FOXP1: variants seen among roughly 807,000 people sequenced by gnomAD.
FOXP1 encodes the protein forkhead box P1, also known as forkhead box protein P1.
A neutral mutation model predicts 98.2 loss-of-function variants in FOXP1; 15 were observed. That is an observed-to-expected ratio of 0.15 (90% CI 0.10 to 0.24). The LOEUF (loss-of-function observed/expected upper bound fraction) is 0.24, where lower values mean the gene tolerates loss of function less well. Among genes scored for constraint, FOXP1 ranks in the 10% least tolerant of loss-of-function variants. The pLI is 1.00. For missense variants in FOXP1, 633 were observed against 848.5 expected, an observed-to-expected ratio of 0.75 and a Z score of 3.15; for synonymous variants, 371 against 314.5, an observed-to-expected ratio of 1.18 and a Z score of -1.90.
intron 2 of FOXP1, among the ~76,000 whole-genome samples, chr3:71,533,043 A>G (rs950374542): frequency 2.6e-5 from 4 of 152,264 alleles, no homozygotes; most frequent in African/African-American, 4.8e-5. Flanking sequence ...ACCAGAAGGT[A>G]AAGTTACCAT....
intron 5 of FOXP1, among the ~76,000 whole-genome samples, chr3:71,228,960 G>T (rs1223384945): frequency 1.3e-5 from 1 of 78,468 alleles, no homozygotes; most frequent in African/African-American, 5.1e-5. Flanking sequence ...TGCTTTTACT[G>T]TTGGTTGTTT....
chr3:71,342,698 A>G (rs959187316), intron 4 of FOXP1, among the ~76,000 whole-genome samples: 1 of 151,784 alleles, frequency 6.6e-6, no homozygotes, highest in Non-Finnish European at 1.5e-5. Context: ...AAAAAAAAAA[A>G]AGCAAACAGA....
chr3:70,975,475 T>C (rs1305553873), intron 17 of FOXP1, among the ~76,000 whole-genome samples: 2 of 152,252 alleles, frequency 1.3e-5, no homozygotes, highest in Admixed American at 6.5e-5. Context: ...TCGTTTTCTT[T>C]TAAAATGCTA....
intron 4 of FOXP1, among the ~76,000 whole-genome samples, chr3:71,331,417 G>A (rs544801990): frequency 2.4e-3 from 248 of 104,112 alleles, no homozygotes; most frequent in African/African-American, 8.7e-3. Context: ...AAGCCTCCCC[G>A]ACAAGCGCCG....
chr3:71,237,104 C>T (rs866875535), intron 5 of FOXP1, among the ~76,000 whole-genome samples: 1 of 149,950 alleles, frequency 6.7e-6, no homozygotes. Context: ...TGGTGGTGCA[C>T]GCCTGTAATC....
chr3:71,106,099 T>C (rs3846028), intron 7 of FOXP1, among the ~76,000 whole-genome samples: 24,051 of 152,146 alleles, frequency 0.16, 2,888 homozygotes, highest in East Asian at 0.57. Flanking sequence ...AGCAAGTCAG[T>C]TAATCTCTCT....
At chr3:71,279,307 C>G (rs1386924861) in intron 5 of FOXP1, among the ~76,000 whole-genome samples, 1 of 152,000 alleles carries the variant, frequency 6.6e-6, no homozygotes, top group Admixed American at 6.6e-5. Flanking sequence ...TAGCTTTTCA[C>G]CCAGCATGTC....
rs1559791949 is a variant in FOXP1, at chr3:71,041,318, TGG to T, written c.869+8_869+9del. On this transcript the variant is annotated splice_region_variant and intron_variant, in intron 11 of 20. Coordinates refer to ENST00000649528, the MANE Select transcript of FOXP1 (RefSeq NM_001349338.3). ...GCAGTTTTGGACCCATCTCAGTGGC[TGG>T]TTCCTACCTTTCCCTTTTGGGAGTG... The T allele has an allele frequency of 1.2e-6, 2 of 1,612,638 alleles. No homozygotes were observed. Among genetic ancestry groups the T allele is most frequent in the East Asian group, 4.5e-5 (2 of 44,840 alleles).
chr3:71,064,041 G>A (rs540139222), intron 7 of FOXP1, among the ~76,000 whole-genome samples: 1 of 152,018 alleles, frequency 6.6e-6, no homozygotes, highest in Non-Finnish European at 1.5e-5. Context: ...AGTACCCCGT[G>A]GCAATTCCTC....
intron 7 of FOXP1, among the ~76,000 whole-genome samples, chr3:71,072,703 C>T (rs2053394757): frequency 1.3e-5 from 2 of 152,150 alleles, no homozygotes; most frequent in Admixed American, 1.3e-4. Context: ...TTCAACCATG[C>T]CTGCTTTCAC....
intron 6 of FOXP1, among the ~76,000 whole-genome samples, chr3:71,139,736 T>G (rs1177223648): frequency 6.6e-6 from 1 of 152,122 alleles, no homozygotes; most frequent in Non-Finnish European, 1.5e-5. Flanking sequence ...GCCAACCAAG[T>G]GGAGACAGGG....
intron 13 of FOXP1, among the ~76,000 whole-genome samples, chr3:70,999,329 C>G (rs970221434): frequency 6.6e-6 from 1 of 152,106 alleles, no homozygotes; most frequent in Admixed American, 6.5e-5. Context: ...ACCTTGTGAT[C>G]CACCCGCCTT....
chr3:71,369,436 C>A (rs2079143038), intron 3 of FOXP1, among the ~76,000 whole-genome samples: 1 of 152,158 alleles, frequency 6.6e-6, no homozygotes, highest in Admixed American at 6.5e-5. Context: ...GCTCTGTCAC[C>A]CAGGCTGGAG....
chr3:71,314,985 G>T (rs977479391), intron 4 of FOXP1, among the ~76,000 whole-genome samples: 1 of 148,026 alleles, frequency 6.8e-6, no homozygotes, highest in Non-Finnish European at 1.5e-5. Flanking sequence ...TCTTTGACTT[G>T]GCTGAACTGT....
At chr3:71,133,664 G>A (rs932214960) in intron 6 of FOXP1, among the ~76,000 whole-genome samples, 1 of 151,300 alleles carries the variant, frequency 6.6e-6, no homozygotes, top group Non-Finnish European at 1.5e-5. Flanking sequence ...TCTTAATGTA[G>A]TCCTCCTCTA....
At chr3:71,330,908 A>G (rs1209442874) in intron 4 of FOXP1, among the ~76,000 whole-genome samples, 1 of 152,248 alleles carries the variant, frequency 6.6e-6, no homozygotes, top group East Asian at 1.9e-4. Flanking sequence ...ACAAACATAT[A>G]AGAAAATCAG....
intron 19 of FOXP1, among the ~76,000 whole-genome samples, chr3:70,967,683 ATTTGT>A (rs2035139970): frequency 1.4e-4 from 3 of 21,782 alleles, no homozygotes; most frequent in Admixed American, 8.4e-4. Flanking sequence ...AACTACTATT[ATTTGT>A]TTTTTTTTTT....
intron 5 of FOXP1, among the ~76,000 whole-genome samples, chr3:71,257,224 C>G (rs1315598465): frequency 6.6e-6 from 1 of 152,118 alleles, no homozygotes; most frequent in Non-Finnish European, 1.5e-5. Flanking sequence ...GTGGCTGAAC[C>G]TGCAAGTCAG....
At chr3:70,989,133 C>T (rs1321316524) in intron 13 of FOXP1, among the ~76,000 whole-genome samples, 5 of 151,702 alleles carry the variant, frequency 3.3e-5, no homozygotes, top group Non-Finnish European at 7.4e-5. Flanking sequence ...AATAAAAAAA[C>T]AAATATAGTT....
Sources: gnomAD v4.1 joint callset for allele counts (sites outside exome capture counted in the v4.1 genomes callset) on GRCh38, gnomAD v4.1.1 for gene constraint, MANE v1.5 for transcripts, NCBI Gene and HGNC (gene_info 2026-07-23, HGNC 2026-07-21) for gene names.